The following PCDH1 variants were observed in gnomAD, a reference collection of about 807,000 sequenced individuals.
PCDH1 encodes protocadherin-1.
Under a neutral mutation model 74.6 loss-of-function variants are expected in PCDH1, and 23 were observed. The ratio of observed to expected loss-of-function variants is 0.31; its 90% confidence interval spans 0.22 to 0.44. The LOEUF (loss-of-function observed/expected upper bound fraction) is 0.44. Ranked by LOEUF, PCDH1 falls within the 20% of genes least tolerant of loss-of-function variation. The pLI, the probability that PCDH1 is intolerant of heterozygous loss-of-function variation, is 1.00. For synonymous variants in PCDH1, 647 were observed against 686.1 expected, an observed-to-expected ratio of 0.94 and a Z score of 0.89; for missense variants, 1,214 against 1,641.4, an observed-to-expected ratio of 0.74 and a Z score of 4.50.
At chr5:141,867,378 G>A (rs1002055098) in intron 2 of PCDH1, 8 of 297,560 alleles carry the variant, frequency 2.7e-5, no homozygotes, top group Non-Finnish European at 5.2e-5. Flanking sequence ...CGGCAAAGGT[G>A]GACTCTGAAC....
Position 141,869,675 on chromosome 5 carries a change from C to CA in PCDH1, c.41-245dup. On this transcript the variant is annotated intron_variant, in intron 1 of 4. Coordinates refer to ENST00000287008, the MANE Select transcript of PCDH1 (RefSeq NM_032420.5). This position sits in a 1 kb window ranked among gnomAD's most constrained non-coding sequence, Gnocchi z 4.9. ...AGTAAGAGGCCTGGCATGCCTAGAG[C>CA]AGCTCCCGCCCATGGAACACCCTCA... The CA allele has an allele frequency of 6.6e-7, 1 of 1,523,094 alleles. No individual in the cohort carries two copies. The highest frequency in any genetic ancestry group is 1.2e-5 in the South Asian group (1 of 82,586). 94.3% of individuals were successfully genotyped at this position (1,523,094 alleles called of 1,614,324 possible). A position where few individuals can be genotyped will look rare whatever the true frequency, so the allele number is the denominator to read the frequency against.
intron 3 of PCDH1, among the ~76,000 whole-genome samples, chr5:141,858,343 C>A (rs1248269728): frequency 6.6e-6 from 1 of 152,210 alleles, no homozygotes; most frequent in African/African-American, 2.4e-5. Flanking sequence ...ATAGAATATT[C>A]ACTGGAGAGG....
chr5:141,862,988 T>C, intron 3 of PCDH1: 4 of 1,254,904 alleles, frequency 3.2e-6, no homozygotes, highest in Non-Finnish European at 3.0e-6. Context: ...ATCACAGGTC[T>C]CTCCCCAGTG....
chr5:141,869,292 T>C lies in PCDH1; in HGVS notation c.180A>G (p.Val60=), dbSNP rs1187404735. 3 of 1,606,290 alleles carry C rather than the reference T, an allele frequency of 1.9e-6. No individual in the cohort carries two copies. The highest frequency in any genetic ancestry group is 1.7e-5 in the Admixed American group (1 of 58,628). The part of the protein sequence containing the change: ...LAPSPGHATR[V]VYKVPEEQPP... ...GCTGTTCCTCCGGCACCTTGTACAC[T>C]ACCCGAGTGGCGTGGCCTGGGGATG... is the stretch of plus-strand genomic sequence containing the variant. The change falls in exon 2 of 5, where the codon GTA becomes GTG. Residue 60 remains valine, a synonymous_variant. Transcript: ENST00000287008. This position sits in a 1 kb window ranked among gnomAD's most constrained non-coding sequence, Gnocchi z 4.9.
At chr5:141,866,575 G>A (rs941804467) in intron 2 of PCDH1, among the ~76,000 whole-genome samples, 1 of 152,136 alleles carries the variant, frequency 6.6e-6, no homozygotes, top group African/African-American at 2.4e-5. Context: ...CAGAGTCTCT[G>A]GGGTAACAAA....
chr5:141,854,059 GCT>G lies in PCDH1; in HGVS notation c.3695_3696del (p.Lys1232ThrfsTer50). On this transcript the variant is annotated frameshift_variant, in exon 5 of 5. Transcript: ENST00000287008. LOFTEE classifies it high-confidence loss of function. ...AATPASAQTA[K>X]REIYL ...TAGGGGGCTCACAGGTAGATCTCGC[GCT>G]TGGCCGTCTGGGCAGATGCCGGTGT... The G allele has an allele frequency of 8.9e-5, 134 of 1,508,104 alleles. No homozygotes were observed. The East Asian group carries it at 2.2e-3, about 25-fold the overall frequency. 93.4% of individuals were successfully genotyped at this position (1,508,104 alleles called of 1,614,324 possible). A position where few individuals can be genotyped will look rare whatever the true frequency, so the allele number is the denominator to read the frequency against.
Position 141,864,757 on chromosome 5 carries a change from A to C in PCDH1, c.1574T>G (p.Ile525Ser). 2 of 1,614,100 alleles carry C rather than the reference A, an allele frequency of 1.2e-6. No individual in the cohort carries two copies. Among genetic ancestry groups the C allele is most frequent in the Non-Finnish European group, 1.7e-6 (2 of 1,180,006 alleles). ...AGCATCACTGGCAGTGATCTCAGCA[A>C]TCACTTCACCAGGCTTGTTGTTTTC... is the stretch of plus-strand genomic sequence containing the variant. ...FPENNKPGEV[I>S]AEITASDADS... is the part of the protein sequence containing the mutation. The change falls in exon 3 of 5, where the codon ATT becomes AGT. Residue 525 changes from isoleucine to serine, a missense_variant. By Grantham distance (142) the Ile-to-Ser change is moderately radical. Around this residue, in one of 4 missense-constraint regions of PCDH1, gnomAD observed 836 missense variants for 1,182.2 expected, o/e 0.71. Coordinates refer to ENST00000287008, the MANE Select transcript of PCDH1 (RefSeq NM_032420.5). The surrounding 1 kb of genome is among the most constrained non-coding windows in gnomAD (Gnocchi z 5.9).
At chr5:141,875,832 G>C (rs1753212067) in intron 1 of PCDH1, among the ~76,000 whole-genome samples, 1 of 152,058 alleles carries the variant, frequency 6.6e-6, no homozygotes, top group African/African-American at 2.4e-5. Context: ...TGTAATTACA[G>C]GTTCCAATTC....
Position 141,864,151 on chromosome 5 carries a change from G to A in PCDH1, c.2180C>T (p.Thr727Ile). The change falls in exon 3 of 5, where the codon ACC becomes ATC. Residue 727 changes from threonine to isoleucine, a missense_variant. By Grantham distance (89) the Thr-to-Ile change is moderately conservative (BLOSUM62 -1). This residue lies in a region of PCDH1 where 836 missense variants were observed against 1,182.2 expected (regional missense o/e 0.71). Coordinates refer to ENST00000287008, the MANE Select transcript of PCDH1 (RefSeq NM_032420.5). The surrounding 1 kb of genome is among the most constrained non-coding windows in gnomAD (Gnocchi z 5.9). ...CGTCTCACCAAGACGTGTCTGGGGGGTCAGCAGCTTGTGAGAGGTGTTAGA... is the reference window on the plus strand; with the variant it reads ...CGTCTCACCAAGACGTGTCTGGGGGATCAGCAGCTTGTGAGAGGTGTTAGA... ...APSNTSHKLL[T>I]PQTRLGETVS... The A allele has an allele frequency of 6.2e-7, 1 of 1,608,694 alleles. No homozygotes were observed. Among genetic ancestry groups the A allele is most frequent in the Non-Finnish European group, 8.5e-7 (1 of 1,175,984 alleles).
At chr5:141,855,433 G>C (rs545827147) in intron 4 of PCDH1, among the ~76,000 whole-genome samples, 13 of 152,090 alleles carry the variant, frequency 8.5e-5, no homozygotes, top group African/African-American at 2.2e-4. Context: ...AGGTGGGGTT[G>C]AGGAAACCTC....
rs541987510 is a variant in PCDH1, at chr5:141,865,881, C to T, written c.904-454G>A. Among the ~76,000 whole-genome samples the T allele has an allele frequency of 1.0e-4, 11 of 107,004 alleles. No homozygotes were observed. The East Asian group carries it at 1.4e-3, about 14-fold the overall frequency. The allele number at this position is 107,004 out of a possible 152,430, so 70.2% of individuals were successfully genotyped here. Reference sequence around the variant, plus strand: ...CCCGTGTGAATGTGCACTACATGCACGCACGCATGCACATATGTATGTGTA... The same window carrying T: ...CCCGTGTGAATGTGCACTACATGCATGCACGCATGCACATATGTATGTGTA... On this transcript the variant is annotated intron_variant, in intron 2 of 4. Transcript: ENST00000287008. This position sits in a 1 kb window ranked among gnomAD's most constrained non-coding sequence, Gnocchi z 4.4.
At chr5:141,867,268 T>G (rs976784558) in intron 2 of PCDH1, among the ~76,000 whole-genome samples, 1 of 152,192 alleles carries the variant, frequency 6.6e-6, no homozygotes, top group East Asian at 1.9e-4. Flanking sequence ...TCAGCCCTGC[T>G]GACCTCTCTG....
intron 3 of PCDH1, among the ~76,000 whole-genome samples, chr5:141,860,987 T>A (rs1258568732): frequency 2.0e-5 from 3 of 152,098 alleles, no homozygotes; most frequent in South Asian, 2.1e-4. Context: ...TGGTGGCACA[T>A]GCCTGTAATC....
rs1752869669 is a variant in PCDH1 at position 141,866,962 on chromosome 5, G to T, written c.904-1535C>A. Among the ~76,000 whole-genome samples, 5 of 152,098 alleles carry T rather than the reference G, an allele frequency of 3.3e-5. No homozygotes were observed. The South Asian group carries it at 1.0e-3, about 32-fold the overall frequency. On this transcript the variant is annotated intron_variant, in intron 2 of 4. Transcript: ENST00000287008. ...TGGGAACTCCAGCTATCCCCGCCTG[G>T]GCTTTTCCTACAGTGAAGACTCCTG...
At chr5:141,874,511 A>G (rs899009115) in intron 1 of PCDH1, among the ~76,000 whole-genome samples, 1 of 152,184 alleles carries the variant, frequency 6.6e-6, no homozygotes, top group Non-Finnish European at 1.5e-5. Context: ...TGTCCCTCAG[A>G]TAGAGGAGCA....
intron 1 of PCDH1, among the ~76,000 whole-genome samples, chr5:141,876,727 C>T (rs1217002768): frequency 3.9e-5 from 6 of 152,108 alleles, no homozygotes; most frequent in South Asian, 2.1e-4. Flanking sequence ...TGGCCTACAG[C>T]GGGGACCAGG....
chr5:141,875,918 T>A (rs2126834461), intron 1 of PCDH1, among the ~76,000 whole-genome samples: 1 of 151,400 alleles, frequency 6.6e-6, no homozygotes, highest in African/African-American at 2.4e-5. Flanking sequence ...CAGCTAGACC[T>A]CCGGCTTGTC....
rs1053189571 is a variant in PCDH1 at position 141,853,943 on chromosome 5, G to C, written c.*99C>G. ...TACCCCCACTTGGGGCCCTGGCCAG[G>C]AAGTCCACGCTGAAGGGGTGGAGAG... On this transcript the variant is annotated 3_prime_UTR_variant, in exon 5 of 5. Coordinates refer to ENST00000287008, the MANE Select transcript of PCDH1 (RefSeq NM_032420.5). The C allele has an allele frequency of 8.0e-6, 9 of 1,129,920 alleles. No individual in the cohort carries two copies. The highest frequency in any genetic ancestry group is 3.1e-4 in the Middle Eastern group (1 of 3,268). The allele number at this position is 1,129,920 out of a possible 1,614,324, so 70.0% of individuals were successfully genotyped here. A position where few individuals can be genotyped will look rare whatever the true frequency, so the allele number is the denominator to read the frequency against.
Position 141,854,095 on chromosome 5 carries a change from G to A in PCDH1, c.3661C>T (p.Pro1221Ser). ...IPLTQTSDFP[P>S]AATPASAQTA... is the part of the protein sequence containing the mutation. The stretch of plus-strand genomic sequence containing the variant: ...TGGGCAGATGCCGGTGTGGCTGCGG[G>A]TGGGAAGTCCGAGGTCTGGGTCAGG... The change falls in exon 5 of 5, where the codon CCC (proline) becomes TCC (serine). Residue 1221 changes from proline (P) to serine (S), a missense_variant. This residue lies in a region of PCDH1 where 194 missense variants were observed against 198.3 expected (regional missense o/e 0.98). Transcript: ENST00000287008. 1 of 1,554,430 alleles carries A rather than the reference G, an allele frequency of 6.4e-7. No homozygotes were observed. The highest frequency in any genetic ancestry group is 8.7e-7 in the Non-Finnish European group (1 of 1,147,126).
Sources: allele counts gnomAD v4.1 joint callset (sites outside exome capture counted in the v4.1 genomes callset), GRCh38; gene constraint gnomAD v4.1.1; regional missense constraint gnomAD v4.1.1; non-coding constraint Gnocchi (gnomAD v3.1); transcripts MANE v1.5; gene names NCBI Gene and HGNC (gene_info 2026-07-23, HGNC 2026-07-21).